Variants in RIT2 observed in about 807,000 individuals in gnomAD.
RIT2 encodes GTP-binding protein Rit2.
Under a neutral mutation model 23.7 loss-of-function variants are expected in RIT2, and 24 were observed. The ratio of observed to expected loss-of-function variants is 1.01; its 90% CI spans 0.73 to 1.43. The LOEUF is 1.43. Ranked by LOEUF, RIT2 falls within the 40% of genes most tolerant of loss-of-function variation. RIT2 has a pLI of 0.00. For synonymous variants in RIT2, 107 were observed against 91.1 expected (o/e 1.17, Z -0.99); for missense variants, 236 against 266.9 (o/e 0.88, Z 0.81).
intron 1 of RIT2, among the ~76,000 whole-genome samples, chr18:43,114,744 A>G (rs918816833): frequency 2.6e-5 from 4 of 152,158 alleles, no homozygotes; most frequent in African/African-American, 7.2e-5. Flanking sequence ...ATGTACCAAA[A>G]GAAATTTGCT....
intron 1 of RIT2, among the ~76,000 whole-genome samples, chr18:43,092,382 C>T (rs1010402761): frequency 1.1e-4 from 16 of 152,016 alleles, no homozygotes; most frequent in African/African-American, 2.9e-4. Flanking sequence ...CACAAAATTA[C>T]GAGGTTTGAA....
intron 1 of RIT2, among the ~76,000 whole-genome samples, chr18:43,105,397 A>G (rs759184977): frequency 7.4e-6 from 1 of 134,280 alleles, no homozygotes; most frequent in Non-Finnish European, 1.6e-5. Flanking sequence ...ACTCTTCCCT[A>G]TGTTACAGAG....
intron 4 of RIT2, among the ~76,000 whole-genome samples, chr18:42,772,183 A>T (rs1306288991): frequency 6.6e-6 from 1 of 152,120 alleles, no homozygotes. Flanking sequence ...AAGTCTTCTG[A>T]CACCACATCA....
rs925812314 is a variant in RIT2 at position 42,986,231 on chromosome 18, G to T, written c.161-12084C>A. On this transcript the variant is annotated intron_variant, in intron 2 of 4. Transcript: ENST00000326695. ...ATTTTTGTAATTTTTAGTAGAGATG[G>T]GGTTTCACCATGTTAGCCTGGCTGG... 6.6e-5 allele frequency among the ~76,000 whole-genome samples: 10 copies of T among 151,834 alleles called. No individual in the cohort carries two copies. The East Asian group carries it at 1.9e-3, about 30-fold the overall frequency.
At chr18:42,907,783 C>T (rs1045773621) in intron 4 of RIT2, among the ~76,000 whole-genome samples, 3 of 152,014 alleles carry the variant, frequency 2.0e-5, no homozygotes, top group Admixed American at 2.0e-4. Context: ...GGGTTCCAGA[C>T]CAGCCTGGGT....
intron 1 of RIT2, among the ~76,000 whole-genome samples, chr18:43,094,318 G>A (rs1373867559): frequency 1.3e-5 from 2 of 151,812 alleles, no homozygotes; most frequent in East Asian, 1.9e-4. Flanking sequence ...AATGAAATCC[G>A]TGCTTATAGA....
At chr18:42,976,779 T>C (rs1910486555) in intron 2 of RIT2, among the ~76,000 whole-genome samples, 1 of 152,002 alleles carries the variant, frequency 6.6e-6, no homozygotes. Context: ...TGAAATGTGG[T>C]GAGTGAATTG....
chr18:42,930,435 A>G (rs1237685794), intron 3 of RIT2, among the ~76,000 whole-genome samples: 4 of 152,152 alleles, frequency 2.6e-5, no homozygotes, highest in African/African-American at 9.7e-5. Flanking sequence ...CTCACATTAG[A>G]TATAAAAAAA....
At chr18:42,766,572 C>CT (rs1555636193) in intron 4 of RIT2, among the ~76,000 whole-genome samples, 2 of 152,160 alleles carry the variant, frequency 1.3e-5, no homozygotes, top group Non-Finnish European at 2.9e-5. Flanking sequence ...AGCAGCCTGA[C>CT]TATGCGATAG....
chr18:43,044,143 A>G (rs1912193583), intron 1 of RIT2, among the ~76,000 whole-genome samples: 1 of 152,124 alleles, frequency 6.6e-6, no homozygotes, highest in Non-Finnish European at 1.5e-5. Context: ...AGAATAGTAA[A>G]ATAGGGTCCT....
At chr18:42,805,660 G>A (rs557117420) in intron 4 of RIT2, among the ~76,000 whole-genome samples, 2 of 152,278 alleles carry the variant, frequency 1.3e-5, no homozygotes, top group South Asian at 4.1e-4. Context: ...TCTTACAAAT[G>A]TTAACACATT....
At chr18:42,744,877 T>C (rs985879293) in intron 4 of RIT2, among the ~76,000 whole-genome samples, 6 of 152,130 alleles carry the variant, frequency 3.9e-5, no homozygotes, top group African/African-American at 1.4e-4. Context: ...CCATAAGTCT[T>C]TGGTGGCAGT....
intron 4 of RIT2, among the ~76,000 whole-genome samples, chr18:42,792,302 T>C (rs1914061515): frequency 6.6e-6 from 1 of 152,188 alleles, no homozygotes; most frequent in Non-Finnish European, 1.5e-5. Context: ...CAAGAGTGCA[T>C]GGTACTCATG....
chr18:43,026,203 T>G (rs755565772), intron 2 of RIT2, among the ~76,000 whole-genome samples: 8 of 151,550 alleles, frequency 5.3e-5, no homozygotes, highest in Non-Finnish European at 1.2e-4. Flanking sequence ...AAGAAAAAAA[T>G]CAAGAAAGAG....
At chr18:43,075,504 G>T (rs995352388) in intron 1 of RIT2, among the ~76,000 whole-genome samples, 1 of 152,016 alleles carries the variant, frequency 6.6e-6, no homozygotes, top group Non-Finnish European at 1.5e-5. Flanking sequence ...CCAGTACTAA[G>T]CATACTCAAT....
intron 4 of RIT2, among the ~76,000 whole-genome samples, chr18:42,785,998 C>A (rs770007040): frequency 1.3e-4 from 19 of 151,976 alleles, no homozygotes; most frequent in Non-Finnish European, 2.1e-4. Flanking sequence ...ATTGAATGTA[C>A]TATAGATGAA....
At chr18:42,808,719 GA>G (rs941062303) in intron 4 of RIT2, among the ~76,000 whole-genome samples, 4 of 151,692 alleles carry the variant, frequency 2.6e-5, no homozygotes, top group East Asian at 3.9e-4. Context: ...TTAAATACCA[GA>G]AAAAATGGTA....
intron 4 of RIT2, among the ~76,000 whole-genome samples, chr18:42,801,671 C>G (rs531651525): frequency 6.6e-6 from 1 of 152,120 alleles, no homozygotes; most frequent in African/African-American, 2.4e-5. Flanking sequence ...GAAATCATAC[C>G]AATAAGCTAC....
intron 2 of RIT2, among the ~76,000 whole-genome samples, chr18:43,019,438 T>C (rs893278210): frequency 1.3e-5 from 2 of 152,026 alleles, no homozygotes; most frequent in Middle Eastern, 3.4e-3. Flanking sequence ...AGAAAAATTA[T>C]ATGATTATCT....
Sources: gnomAD v4.1 joint callset for allele counts (sites outside exome capture counted in the v4.1 genomes callset) on GRCh38, gnomAD v4.1.1 for gene constraint, MANE v1.5 for transcripts, NCBI Gene and HGNC (gene_info 2026-07-23, HGNC 2026-07-21) for gene names.